C1QTNF9: variants seen among roughly 807,000 people sequenced by gnomAD.
The protein encoded by C1QTNF9 is complement C1q and tumor necrosis factor-related protein 9A.
In C1QTNF9, 6 loss-of-function variants were observed where a neutral mutation model predicts 10.1. The ratio of observed to expected loss-of-function variants is 0.59; its 90% CI spans 0.32 to 1.17. C1QTNF9 has a LOEUF of 1.17. C1QTNF9 is among the 50% of genes most tolerant of loss of function. The pLI is 0.04. For missense variants in C1QTNF9, 201 were observed against 418.8 expected, an observed-to-expected ratio of 0.48 and a Z score of 4.54; for synonymous variants, 98 against 163.5, an observed-to-expected ratio of 0.60 and a Z score of 3.06.
chr13:24,320,307 G>C (rs1237481079), intron 3 of C1QTNF9, among the ~76,000 whole-genome samples: 1 of 152,222 alleles, frequency 6.6e-6, no homozygotes, highest in Non-Finnish European at 1.5e-5. Context: ...TAATTTAGTA[G>C]ACGGTAGTCA....
upstream of C1QTNF9, among the ~76,000 whole-genome samples, chr13:24,309,320 G>C (rs764143715): frequency 2.8e-4 from 27 of 96,660 alleles, no homozygotes; most frequent in Non-Finnish European, 5.3e-4. Flanking sequence ...AAAGAAACCT[G>C]CCTGGGGCAC....
At chr13:24,311,185 A>AC (rs1877807536) in intron 1 of C1QTNF9, among the ~76,000 whole-genome samples, 1 of 152,272 alleles carries the variant, frequency 6.6e-6, no homozygotes, top group Non-Finnish European at 1.5e-5. Context: ...AGGAGTGATA[A>AC]CCTTGGCTGT....
chr13:24,312,962 A>AAG (rs1397470412), intron 1 of C1QTNF9, among the ~76,000 whole-genome samples: 1 of 151,346 alleles, frequency 6.6e-6, no homozygotes, highest in Non-Finnish European at 1.5e-5. Flanking sequence ...CTCAAAAAAA[A>AAG]AAAAAAAGAA....
At chr13:24,307,773 T>C (rs1479244681), upstream of C1QTNF9, among the ~76,000 whole-genome samples, 1 of 152,118 alleles carries the variant, frequency 6.6e-6, no homozygotes, top group Non-Finnish European at 1.5e-5. Flanking sequence ...AGGAGAGTTG[T>C]GGGGAGATGA....
upstream of C1QTNF9, among the ~76,000 whole-genome samples, chr13:24,307,835 T>C (rs1877656704): frequency 6.6e-6 from 1 of 152,216 alleles, no homozygotes; most frequent in Non-Finnish European, 1.5e-5. Flanking sequence ...CCAGCAAAGC[T>C]GGAGTGAACC....
At chr13:24,315,296 A>G (rs1475011875) in intron 1 of C1QTNF9, among the ~76,000 whole-genome samples, 1 of 152,188 alleles carries the variant, frequency 6.6e-6, no homozygotes, top group African/African-American at 2.4e-5. Context: ...AGGTGAAATT[A>G]TCCAGGTCTG....
At chr13:24,308,225 G>C (rs1220438900), upstream of C1QTNF9, among the ~76,000 whole-genome samples, 2 of 152,210 alleles carry the variant, frequency 1.3e-5, no homozygotes, top group Non-Finnish European at 2.9e-5. Context: ...AGCTCTCCGG[G>C]GCGCAGAGGC....
chr13:24,309,306 T>TATATATATA (rs963863876), upstream of C1QTNF9, among the ~76,000 whole-genome samples: 1 of 134,024 alleles, frequency 7.5e-6, no homozygotes, highest in Admixed American at 7.4e-5. Context: ...TATATATATA[T>TATATATATA]ATGAAAGAAA....
intron 2 of C1QTNF9, among the ~76,000 whole-genome samples, chr13:24,318,467 A>T (rs1449138830): frequency 2.0e-5 from 3 of 152,030 alleles, no homozygotes; most frequent in African/African-American, 4.8e-5. Context: ...CAACATTCAG[A>T]CCACGTCCCA....
chr13:24,314,223 C>T (rs1361978701), intron 1 of C1QTNF9, among the ~76,000 whole-genome samples: 1 of 152,060 alleles, frequency 6.6e-6, no homozygotes, highest in Non-Finnish European at 1.5e-5. Flanking sequence ...ACTATGCCCA[C>T]GTTTTTGTTT....
At chr13:24,318,345 T>G (rs1178692980) in intron 2 of C1QTNF9, among the ~76,000 whole-genome samples, 2 of 152,184 alleles carry the variant, frequency 1.3e-5, no homozygotes, top group African/African-American at 4.8e-5. Flanking sequence ...CTTGGGATAG[T>G]GTCACGTAAC....
At chr13:24,320,192 G>A (rs929919345) in intron 3 of C1QTNF9, among the ~76,000 whole-genome samples, 13 of 151,848 alleles carry the variant, frequency 8.6e-5, no homozygotes, top group Non-Finnish European at 2.9e-5. Flanking sequence ...TAATCTACCT[G>A]TCTCTGCTCT....
chr13:24,320,721 C>CT (rs879414090), intron 3 of C1QTNF9, among the ~76,000 whole-genome samples: 94 of 144,522 alleles, frequency 6.5e-4, no homozygotes, highest in Middle Eastern at 3.6e-3. Flanking sequence ...TTTTCTTTTT[C>CT]TTTTTTTTTT....
chr13:24,311,509 A>AT (rs1877819632), intron 1 of C1QTNF9, among the ~76,000 whole-genome samples: 1 of 152,106 alleles, frequency 6.6e-6, no homozygotes, highest in Non-Finnish European at 1.5e-5. Context: ...TCTTGTCTTG[A>AT]TTTGTCCAAG....
upstream of C1QTNF9, among the ~76,000 whole-genome samples, chr13:24,308,288 C>T (rs1446866992): frequency 2.0e-5 from 3 of 152,172 alleles, no homozygotes; most frequent in Non-Finnish European, 4.4e-5. Flanking sequence ...AGCAGGAGGT[C>T]GGGGACCCGT....
intron 2 of C1QTNF9, among the ~76,000 whole-genome samples, chr13:24,317,641 C>T (rs1353239448): frequency 6.6e-6 from 1 of 151,742 alleles, no homozygotes; most frequent in Admixed American, 6.6e-5. Context: ...ATGTTTTATA[C>T]CAAACATATT....
chr13:24,310,469 G>C (rs975137026), intron 1 of C1QTNF9, among the ~76,000 whole-genome samples: 3 of 151,906 alleles, frequency 2.0e-5, no homozygotes, highest in African/African-American at 7.3e-5. Context: ...ATCTTTTTAA[G>C]AGAGCTTTCT....
chr13:24,312,345 T>G (rs531647062), intron 1 of C1QTNF9, among the ~76,000 whole-genome samples: 9 of 144,558 alleles, frequency 6.2e-5, no homozygotes, highest in Non-Finnish European at 1.4e-4. Context: ...AAGTGGGGAC[T>G]GGGGAGGACA....
chr13:24,312,466 A>G (rs60965213), intron 1 of C1QTNF9, among the ~76,000 whole-genome samples: 18,860 of 152,206 alleles, frequency 0.12, 1,277 homozygotes, highest in Middle Eastern at 0.25. Flanking sequence ...ATTAAAAGTC[A>G]AGAGTGTAAC....
Sources: gnomAD v4.1 joint callset for allele counts (sites outside exome capture counted in the v4.1 genomes callset) on GRCh38, gnomAD v4.1.1 for gene constraint, MANE v1.5 for transcripts, NCBI Gene and HGNC (gene_info 2026-07-23, HGNC 2026-07-21) for gene names.